The following RGMA variants were observed in gnomAD, a reference collection of about 807,000 sequenced individuals.
RGMA encodes repulsive guidance molecule BMP co-receptor a.
A neutral mutation model predicts 23.2 loss-of-function variants in RGMA; 10 were observed. The observed-to-expected ratio is 0.43, with a 90% CI of 0.27 to 0.73. The LOEUF is 0.73. Among genes scored for constraint, RGMA ranks in the 30% least tolerant of loss-of-function variants. The probability of loss-of-function intolerance (pLI) is 0.20; values close to 1 mark genes in which losing one functional copy is unlikely to be tolerated. For synonymous variants in RGMA, 308 were observed against 279.3 expected, an observed-to-expected ratio of 1.10 and a Z score of -1.03; for missense variants, 547 against 630.5, an observed-to-expected ratio of 0.87 and a Z score of 1.42.
chr15:93,055,162 CGGAA>C (rs747383646), intron 2 of RGMA, among the ~76,000 whole-genome samples: 23 of 152,224 alleles, frequency 1.5e-4, no homozygotes, highest in Admixed American at 5.2e-4. Flanking sequence ...GAAAATCAAC[CGGAA>C]GGAACACTGG....
At position 93,088,562 on chromosome 15, in the gene RGMA, G is replaced by A. The variant is rs987302772; in HGVS notation, c.14+357C>T. 6.8e-6 allele frequency: 7 copies of A among 1,034,850 alleles called. No individual in the cohort carries two copies. In the African/African-American group the frequency reaches 1.2e-4, roughly 18 times the overall value. The allele number at this position is 1,034,850 out of a possible 1,614,324, so 64.1% of individuals were successfully genotyped here. ...CGGCGCGGGCCAATGGGGGTTCACGGCGGGACAGTCGGGTGGCCGGCTCCG... is the reference window on the plus strand; with the variant it reads ...CGGCGCGGGCCAATGGGGGTTCACGACGGGACAGTCGGGTGGCCGGCTCCG... On this transcript the variant is annotated intron_variant, in intron 1 of 3. Transcript: ENST00000329082.
chr15:93,054,292 T>A (rs894930012), intron 2 of RGMA, among the ~76,000 whole-genome samples: 4 of 151,890 alleles, frequency 2.6e-5, no homozygotes, highest in Non-Finnish European at 5.9e-5. Flanking sequence ...AGCTTTAAAT[T>A]GAAGAAGTAT....
chr15:93,045,789 AG>A lies in RGMA; in HGVS notation c.646-85del. On this transcript the variant is annotated intron_variant, in intron 3 of 3. Transcript: ENST00000329082. The surrounding 1 kb of genome is among the most constrained non-coding windows in gnomAD (Gnocchi z 6.9). ...CACACTTAAGATGCTCTAGACTGAG[AG>A]GAGGGCAGGAAGGATCCCCAGGGAT... 1 of 1,026,918 alleles carries A rather than the reference AG, an allele frequency of 9.7e-7. No homozygotes were observed. The highest frequency in any genetic ancestry group is 1.5e-6 in the Non-Finnish European group (1 of 683,332). 63.6% of individuals were successfully genotyped at this position (1,026,918 alleles called of 1,614,324 possible). A position where few individuals can be genotyped will look rare whatever the true frequency, so the allele number is the denominator to read the frequency against.
At chr15:93,057,876 G>A (rs565240846) in intron 2 of RGMA, among the ~76,000 whole-genome samples, 143 of 152,274 alleles carry the variant, frequency 9.4e-4, no homozygotes, top group African/African-American at 3.2e-3. Context: ...TCGAGCTCTC[G>A]TATCTCTGCT....
chr15:93,065,600 G>T, intron 2 of RGMA: 1 of 795,494 alleles, frequency 1.3e-6, no homozygotes, highest in Non-Finnish European at 2.1e-6. Context: ...CAGGATGGTG[G>T]TGGCGGGGTC....
chr15:93,044,694 G>C lies in RGMA; in HGVS notation c.*304C>G, dbSNP rs1185823138. The C allele has an allele frequency of 4.6e-6, 2 of 432,076 alleles. No homozygotes were observed. The highest frequency in any genetic ancestry group is 2.0e-5 in the African/African-American group (1 of 50,338). The allele number at this position is 432,076 out of a possible 1,614,324, so 26.8% of individuals were successfully genotyped here. On this transcript the variant is annotated 3_prime_UTR_variant, in exon 4 of 4. Transcript: ENST00000329082. The stretch of plus-strand genomic sequence containing the variant: ...TGACGGTTCCCAGTGTGTCTCTGGT[G>C]GGGGTGGGGGGCTTCAGCCTGAGGG...
In RGMA at chr15:93,045,315, T is replaced by C. The variant is rs762465407; in HGVS notation, c.1036A>G (p.Ser346Gly). 1.3e-5 allele frequency: 21 copies of C among 1,611,940 alleles called. No homozygotes were observed. Among genetic ancestry groups the C allele is most frequent in the East Asian group, 1.1e-4 (5 of 44,800 alleles). The change falls in exon 4 of 4, where the codon AGC (serine) becomes GGC (glycine). Residue 346 changes from serine to glycine, a missense_variant. By Grantham distance (56) the Ser-to-Gly change is moderately conservative. This residue lies in a region of RGMA where 205 missense variants were observed against 204.1 expected (regional missense o/e 1.00). Coordinates refer to ENST00000329082, the MANE Select transcript of RGMA (RefSeq NM_020211.3). The surrounding 1 kb of genome is among the most constrained non-coding windows in gnomAD (Gnocchi z 6.9). ...GTCTCGGGGGCTGTGGGTGCAGGGC[T>C]GGCGGCTGCCAGCCTGCGGGCACCG... ...GTGARRLAAA[S>G]PAPTAPETFP...
chr15:93,045,226 G>A lies in RGMA; in HGVS notation c.1125C>T (p.Tyr375=). 6.2e-7 allele frequency: 1 copy of A among 1,612,824 alleles called. No individual in the cohort carries two copies. The change falls in exon 4 of 4, where the codon TAC becomes TAT. Residue 375 remains tyrosine (Y), a synonymous_variant. Coordinates refer to ENST00000329082, the MANE Select transcript of RGMA (RefSeq NM_020211.3). The surrounding 1 kb of genome is among the most constrained non-coding windows in gnomAD (Gnocchi z 6.9). ...TGAGGAGGTCGAAGACGCAGGCCTG[G>A]TAGTACAGGTCCTCCACCGGCAGCT... is the stretch of plus-strand genomic sequence containing the variant. ...KEKLPVEDLY[Y]QACVFDLLTT... is the part of the protein sequence containing the mutation.
intron 2 of RGMA, among the ~76,000 whole-genome samples, chr15:93,070,341 C>T (rs928952360): frequency 6.6e-6 from 1 of 152,198 alleles, no homozygotes; most frequent in African/African-American, 2.4e-5. Context: ...CAGAACAAAC[C>T]GAGGCTTTCA....
rs573255069 is a variant in RGMA at position 93,083,774 on chromosome 15, G to A, written c.14+5145C>T. Among the ~76,000 whole-genome samples the A allele has an allele frequency of 2.0e-5, 3 of 152,282 alleles. No homozygotes were observed. In the East Asian group the frequency reaches 5.8e-4, roughly 29 times the overall value. ...GACCTGCCCAAATTCAGCAGTGAGGGGTTATTAGCAGGGCTGGACCTGTGA... is the reference window on the plus strand; with the variant it reads ...GACCTGCCCAAATTCAGCAGTGAGGAGTTATTAGCAGGGCTGGACCTGTGA... On this transcript the variant is annotated intron_variant, in intron 1 of 3. Coordinates refer to ENST00000329082, the MANE Select transcript of RGMA (RefSeq NM_020211.3).
In RGMA at chr15:93,045,323, G is replaced by C. The variant is rs750208375; in HGVS notation, c.1028C>G (p.Ala343Gly). 6.2e-7 allele frequency: 1 copy of C among 1,612,074 alleles called. No homozygotes were observed. The change falls in exon 4 of 4, where the codon GCA becomes GGA. Residue 343 changes from alanine to glycine, a missense_variant. Ala to Gly is a moderately conservative substitution (Grantham distance 60, BLOSUM62 0). Coordinates refer to ENST00000329082, the MANE Select transcript of RGMA (RefSeq NM_020211.3). The surrounding 1 kb of genome is among the most constrained non-coding windows in gnomAD (Gnocchi z 6.9). ...NAEGTGARRL[A>G]AASPAPTAPE... is the part of the protein sequence containing the mutation. ...GGCTGTGGGTGCAGGGCTGGCGGCT[G>C]CCAGCCTGCGGGCACCGGTGCCCTC...
chr15:93,065,759 C>A (rs1567189863), intron 2 of RGMA: 2 of 1,152,336 alleles, frequency 1.7e-6, no homozygotes, highest in Non-Finnish European at 2.6e-6. Context: ...GGCTTGGTCT[C>A]ACCGTCCCCA....
At position 93,036,504 on chromosome 15, in the gene RGMA, C is replaced by G. The variant is rs985649596; in HGVS notation, c.*8494G>C. The G allele has an allele frequency of 7.9e-5, 12 of 152,288 alleles. No homozygotes were observed. Among genetic ancestry groups the G allele is most frequent in the Non-Finnish European group, 1.8e-4 (12 of 68,092 alleles). The allele number at this position is 152,288 out of a possible 1,614,324, so 9.4% of individuals were successfully genotyped here. A position where few individuals can be genotyped will look rare whatever the true frequency, so the allele number is the denominator to read the frequency against. On this transcript the variant is annotated 3_prime_UTR_variant, in exon 4 of 4. Transcript: ENST00000329082. Reference sequence around the variant, plus strand: ...CCCGCAGACCTGGTCCCTGGTGGTCCCGGCCCCAGCCTTGACCTGAGGGCC... The same window carrying G: ...CCCGCAGACCTGGTCCCTGGTGGTCGCGGCCCCAGCCTTGACCTGAGGGCC...
At position 93,075,209 on chromosome 15, in the gene RGMA, A is replaced by G. The variant is rs140373799; in HGVS notation, c.15-2178T>C. ...CTCCCACGTCAGGAAATGTCATCCA[A>G]TATTCTTAAAGAAAGGATAACTAAA... On this transcript the variant is annotated intron_variant, in intron 1 of 3. Coordinates refer to ENST00000329082, the MANE Select transcript of RGMA (RefSeq NM_020211.3). Among the ~76,000 whole-genome samples, 6 of 152,312 alleles carry G rather than the reference A, an allele frequency of 3.9e-5. No individual in the cohort carries two copies. In the East Asian group the frequency reaches 1.2e-3, roughly 29 times the overall value.
intron 3 of RGMA, among the ~76,000 whole-genome samples, chr15:93,048,147 G>A (rs2054857119): frequency 6.6e-6 from 1 of 152,182 alleles, no homozygotes; most frequent in Non-Finnish European, 1.5e-5. Flanking sequence ...GGTATTCAGA[G>A]CCACTAGAGG....
intron 1 of RGMA, among the ~76,000 whole-genome samples, chr15:93,074,817 C>A (rs1041252273): frequency 6.6e-6 from 1 of 152,212 alleles, no homozygotes; most frequent in Non-Finnish European, 1.5e-5. Flanking sequence ...AGGCACTGTG[C>A]CAGGCTGCAC....
At chr15:93,062,947 G>A (rs1895018833) in intron 2 of RGMA, 1 of 152,294 alleles carries the variant, frequency 6.6e-6, no homozygotes, top group African/African-American at 2.4e-5. Context: ...AACATCCCGG[G>A]TGGGTTTTGC....
chr15:93,082,686 C>CA (rs1555451466), intron 1 of RGMA, among the ~76,000 whole-genome samples: 1 of 152,100 alleles, frequency 6.6e-6, no homozygotes, highest in Non-Finnish European at 1.5e-5. Context: ...AATATAAAAA[C>CA]TTTTTAAGAA....
chr15:93,082,632 G>C (rs34925346), intron 1 of RGMA, among the ~76,000 whole-genome samples: 15,539 of 152,204 alleles, frequency 0.1, 926 homozygotes, highest in Non-Finnish European at 0.13. Flanking sequence ...CATTAGAAAG[G>C]GGAATATGTT....
Sources: allele counts gnomAD v4.1 joint callset (sites outside exome capture counted in the v4.1 genomes callset), GRCh38; gene constraint gnomAD v4.1.1; regional missense constraint gnomAD v4.1.1; non-coding constraint Gnocchi (gnomAD v3.1); transcripts MANE v1.5; gene names NCBI Gene and HGNC (gene_info 2026-07-23, HGNC 2026-07-21).